The following RABGEF1 variants were observed in gnomAD, a reference collection of about 807,000 sequenced individuals.
The protein encoded by RABGEF1 is rab5 GDP/GTP exchange factor.
Under a neutral mutation model 57.3 loss-of-function variants are expected in RABGEF1, and 26 were observed. That is an observed-to-expected ratio of 0.45 (90% CI 0.33 to 0.63). The LOEUF is 0.63. Among genes scored for constraint, RABGEF1 ranks in the 20% least tolerant of loss-of-function variants. RABGEF1 has a pLI of 0.02. For synonymous variants in RABGEF1, 185 were observed against 210.7 expected (o/e 0.88, Z 1.06); for missense variants, 464 against 607.6 (o/e 0.76, Z 2.48).
intron 1 of RABGEF1, among the ~76,000 whole-genome samples, chr7:66,706,860 C>A (rs1794175554): frequency 6.8e-6 from 1 of 147,208 alleles, no homozygotes; most frequent in South Asian, 2.2e-4. Context: ...CAGCTCACTG[C>A]AAGCTCTGCC....
In RABGEF1 at chr7:66,753,700, CG is replaced by C. The variant is rs1370914373; in HGVS notation, c.-18+12909del. On this transcript the variant is annotated intron_variant, in intron 1 of 8. Transcript: ENST00000284957. The stretch of plus-strand genomic sequence containing the variant: ...CATCTGAAAATGTCTATTTTGCCAT[CG>C]TTTTTTTTTTTTTTTTTTTTTTTGA... Among the ~76,000 whole-genome samples the C allele has an allele frequency of 5.9e-3, 464 of 78,526 alleles. 5 individuals are homozygous for C. The highest frequency in any genetic ancestry group is 9.4e-3 in the Non-Finnish European group (338 of 35,788). 51.5% of individuals were successfully genotyped at this position (78,526 alleles called of 152,430 possible). A position where few individuals can be genotyped will look rare whatever the true frequency, so the allele number is the denominator to read the frequency against.
intron 3 of RABGEF1, among the ~76,000 whole-genome samples, chr7:66,775,794 G>C (rs1808385699): frequency 6.6e-6 from 1 of 152,122 alleles, no homozygotes; most frequent in African/African-American, 2.4e-5. Flanking sequence ...AGTCATCTGA[G>C]AGAGAGATTT....
At chr7:66,736,215 GCA>G (rs1437675712), upstream of RABGEF1, among the ~76,000 whole-genome samples, 1 of 152,206 alleles carries the variant, frequency 6.6e-6, no homozygotes, top group African/African-American at 2.4e-5. Context: ...CTTCACCCAT[GCA>G]CACACTTTCT....
Position 66,727,568 on chromosome 7 carries a change from G to C in RABGEF1, c.-814-12428G>C, listed in dbSNP as rs543221906. 1.6e-3 allele frequency among the ~76,000 whole-genome samples: 238 copies of C among 152,368 alleles called. 2 individuals carry two copies. Among genetic ancestry groups the C allele is most frequent in the South Asian group, 7.0e-3 (34 of 4,832 alleles). On this transcript the variant is annotated intron_variant and NMD_transcript_variant, in intron 2 of 9. Transcript: ENST00000607882. ...GGACCCAGCTTGGGTGGAGAGATGA[G>C]ATGTTTGGTTCTCTGAGCAGGAAGG...
At chr7:66,779,139 C>A (rs1314504133) in intron 3 of RABGEF1, among the ~76,000 whole-genome samples, 2 of 151,218 alleles carry the variant, frequency 1.3e-5, no homozygotes, top group Non-Finnish European at 2.9e-5. Context: ...ATGAAGAAAT[C>A]TATAAATAAG....
chr7:66,780,810 A>G (rs1343530838), intron 3 of RABGEF1, among the ~76,000 whole-genome samples: 2 of 152,152 alleles, frequency 1.3e-5, no homozygotes, highest in Non-Finnish European at 2.9e-5. Context: ...GTTCTTGGTA[A>G]TATGGTCCAT....
chr7:66,797,814 A>G (rs1187321124), intron 6 of RABGEF1, among the ~76,000 whole-genome samples: 2 of 152,164 alleles, frequency 1.3e-5, no homozygotes, highest in African/African-American at 4.8e-5. Context: ...TCAAGTGGGA[A>G]GCTGTGAATA....
chr7:66,734,144 A>G (rs1797662756), intron 2 of RABGEF1, among the ~76,000 whole-genome samples: 1 of 152,150 alleles, frequency 6.6e-6, no homozygotes, highest in Non-Finnish European at 1.5e-5. Flanking sequence ...CTTTTGAGGT[A>G]TTTTTGAAGA....
the RABGEF1 span, chr7:66,665,065 A>G: frequency 1.3e-5 from 2 of 152,142 alleles, no homozygotes; most frequent in African/African-American, 4.8e-5. Flanking sequence ...GTATGTCCCG[A>G]GTGCCGGCTT....
chr7:66,748,078 G>A (rs542115495), intron 1 of RABGEF1, among the ~76,000 whole-genome samples: 86 of 152,260 alleles, frequency 5.6e-4, no homozygotes, highest in African/African-American at 2.0e-3. Flanking sequence ...AGTTACATGG[G>A]TCAGTGACCA....
At chr7:66,664,920 C>G in the RABGEF1 span, among the ~76,000 whole-genome samples, 86 of 152,364 alleles carry the variant, frequency 5.6e-4, no homozygotes, top group African/African-American at 1.7e-3. Context: ...CCTGGTGACT[C>G]TTGGGGGAGC....
At chr7:66,807,484 A>G (rs1788698326) in intron 8 of RABGEF1, among the ~76,000 whole-genome samples, 1 of 152,056 alleles carries the variant, frequency 6.6e-6, no homozygotes, top group Non-Finnish European at 1.5e-5. Context: ...ATGGGACTCC[A>G]TTGTCTCTGC....
chr7:66,733,473 C>A (rs959013561), intron 2 of RABGEF1, among the ~76,000 whole-genome samples: 5 of 152,000 alleles, frequency 3.3e-5, no homozygotes, highest in African/African-American at 1.2e-4. Context: ...CTGAAGTGGG[C>A]AGATCAGGAG....
intron 1 of RABGEF1, among the ~76,000 whole-genome samples, chr7:66,697,631 ATTC>A (rs1380995570): frequency 1.3e-5 from 2 of 151,968 alleles, no homozygotes; most frequent in Non-Finnish European, 2.9e-5. Flanking sequence ...TAGGCAGGAT[ATTC>A]TTGGCCTCAC....
At chr7:66,743,183 C>T (rs528708751) in intron 1 of RABGEF1, among the ~76,000 whole-genome samples, 13 of 151,912 alleles carry the variant, frequency 8.6e-5, no homozygotes, top group South Asian at 8.3e-4. Context: ...TGGCGCCTGC[C>T]GTAATGCTAG....
intron 2 of RABGEF1, among the ~76,000 whole-genome samples, chr7:66,721,994 CA>C (rs951670954): frequency 6.6e-6 from 1 of 151,646 alleles, no homozygotes; most frequent in Admixed American, 6.6e-5. Context: ...TCCGTCTTTT[CA>C]AAAAATCAAA....
Position 66,809,267 on chromosome 7 carries a change from CAA to C in RABGEF1, c.1460_1461del (p.Gln487ArgfsTer9). On this transcript the variant is annotated frameshift_variant, in exon 9 of 9. Coordinates refer to ENST00000284957, the MANE Select transcript of RABGEF1 (RefSeq NM_014504.3). LOFTEE classifies it high-confidence loss of function. Reference protein sequence around the residue: ...NDKLPPPLQPQVYAG With the variant: ...NDKLPPPLQPXVYAG ...TAAACTTCCTCCACCACTGCAACCT[CAA>C]GTTTATGCAGGATGATCACAATTTA... 1 of 1,608,530 alleles carries C rather than the reference CAA, an allele frequency of 6.2e-7. No homozygotes were observed. Among genetic ancestry groups the C allele is most frequent in the Non-Finnish European group, 8.5e-7 (1 of 1,176,216 alleles).
intron 1 of RABGEF1, among the ~76,000 whole-genome samples, chr7:66,754,005 ATTT>A (rs759263334): frequency 9.2e-6 from 1 of 108,414 alleles, no homozygotes. Context: ...GTACTAGGCC[ATTT>A]TTTTTTTTTT....
chr7:66,777,056 T>C (rs1252959249), intron 3 of RABGEF1, among the ~76,000 whole-genome samples: 1 of 152,210 alleles, frequency 6.6e-6, no homozygotes, highest in Non-Finnish European at 1.5e-5. Flanking sequence ...GCACAGTGCC[T>C]GACACACACA....
Sources: allele counts gnomAD v4.1 joint callset (sites outside exome capture counted in the v4.1 genomes callset), GRCh38; gene constraint gnomAD v4.1.1; transcripts MANE v1.5; gene names NCBI Gene and HGNC (gene_info 2026-07-23, HGNC 2026-07-21).